Variants in CD36 observed in about 807,000 individuals in gnomAD.
The protein encoded by CD36 is CD36 molecule (CD36 blood group).
Under a neutral mutation model 55.2 loss-of-function variants are expected in CD36, and 119 were observed. That is an observed-to-expected ratio of 2.15 (90% CI 1.86 to 2.51). CD36 has a LOEUF of 2.51. Among genes scored for constraint, CD36 ranks in the 30% most tolerant of loss-of-function variants. The probability of loss-of-function intolerance (pLI) is 0.00; values close to 1 mark genes in which losing one functional copy is unlikely to be tolerated. For synonymous variants in CD36, 186 were observed against 193.6 expected (o/e 0.96, Z 0.33); for missense variants, 819 against 555.5 (o/e 1.47, Z -4.77).
intron 1 of CD36, among the ~76,000 whole-genome samples, chr7:80,609,921 C>G (rs909015944): frequency 1.3e-5 from 2 of 152,282 alleles, no homozygotes; most frequent in Admixed American, 1.3e-4. Context: ...GATCACCCAG[C>G]AGGTGCTTGC....
rs781743513 is a variant in CD36 at position 80,646,724 on chromosome 7, C to A, written c.-17C>A. ...GAAACAGGTGCTTAACACTAATTCA[C>A]CTCCTGAACAAGAAAAATGGGCTGT... On this transcript the variant is annotated 5_prime_UTR_variant, in exon 3 of 15. Transcript: ENST00000447544. 3 of 1,613,654 alleles carry A rather than the reference C, an allele frequency of 1.9e-6. No individual in the cohort carries two copies. In the African/African-American group the frequency reaches 4.0e-5, roughly 22 times the overall value.
At chr7:80,607,294 C>T (rs1008944949) in intron 1 of CD36, among the ~76,000 whole-genome samples, 3 of 142,940 alleles carry the variant, frequency 2.1e-5, no homozygotes, top group Admixed American at 2.0e-4. Context: ...AAGAAAAGCA[C>T]TTAATTATTT....
At chr7:80,662,954 G>A in intron 5 of CD36, 36 bp from the exon 6 acceptor site, 1 of 1,500,272 alleles carries the variant, frequency 6.7e-7, no homozygotes, top group South Asian at 1.1e-5. Flanking sequence ...ATCTAATATT[G>A]TATTCTTGTC....
intron 14 of CD36, among the ~76,000 whole-genome samples, chr7:80,674,645 G>A (rs980421171): frequency 6.6e-6 from 1 of 152,030 alleles, no homozygotes; most frequent in African/African-American, 2.4e-5. Flanking sequence ...TCAGAGTGGT[G>A]TACAAGAGTT....
At chr7:80,654,084 G>A (rs1486658881) in intron 3 of CD36, among the ~76,000 whole-genome samples, 3 of 152,156 alleles carry the variant, frequency 2.0e-5, no homozygotes, top group Admixed American at 6.6e-5. Context: ...TGTGTTTCAC[G>A]TTTGCCTTAT....
chr7:80,641,670 A>G (rs914816849), intron 1 of CD36, among the ~76,000 whole-genome samples: 2 of 152,156 alleles, frequency 1.3e-5, no homozygotes, highest in East Asian at 1.9e-4. Flanking sequence ...TTCAAATTTC[A>G]TAGTTTACAT....
rs1331478915 is a variant in CD36, at chr7:80,677,275, ACT to A, written c.*895_*896del. The A allele has an allele frequency of 6.6e-6, 1 of 152,134 alleles. No homozygotes were observed. The highest frequency in any genetic ancestry group is 1.5e-5 in the Non-Finnish European group (1 of 68,030). 9.4% of individuals were successfully genotyped at this position (152,134 alleles called of 1,614,324 possible). On this transcript the variant is annotated 3_prime_UTR_variant, in exon 15 of 15. Transcript: ENST00000447544. ...TCATAAGGAGACACATTAATAGGTAACTCTGTTTCTTGAGCAGGGGTTCACTT... is the reference window on the plus strand; with the variant it reads ...TCATAAGGAGACACATTAATAGGTAACTGTTTCTTGAGCAGGGGTTCACTT...
Position 80,672,535 on chromosome 7 carries a change from A to AACTC in CD36, c.1126-232_1126-229dup, listed in dbSNP as rs1797795545. On this transcript the variant is annotated intron_variant, in intron 11 of 14. Coordinates refer to ENST00000447544, the MANE Select transcript of CD36 (RefSeq NM_001001548.3). ...TGATTTTTTAAAAACCATTTCAAGT[A>AACTC]ACTCACAAATCTAACTAACTAAAAC... Among the ~76,000 whole-genome samples, 3 of 151,722 alleles carry AACTC rather than the reference A, an allele frequency of 2.0e-5. No homozygotes were observed. The South Asian group carries it at 6.2e-4, about 32-fold the overall frequency.
Position 80,663,177 on chromosome 7 carries a change from C to T in CD36, c.609+8C>T. 1 of 1,604,606 alleles carries T rather than the reference C, an allele frequency of 6.2e-7. No individual in the cohort carries two copies. Among genetic ancestry groups the T allele is most frequent in the Non-Finnish European group, 8.5e-7 (1 of 1,171,576 alleles). On this transcript the variant is annotated splice_region_variant and intron_variant, in intron 6 of 14. Transcript: ENST00000447544. ...GTTGGTCTGTTTTATCCTGTAAGTA[C>T]CAAATATGAATGGCAATATTATTAC...
intron 1 of CD36, among the ~76,000 whole-genome samples, chr7:80,616,822 G>A (rs1284089238): frequency 6.6e-6 from 1 of 152,098 alleles, no homozygotes. Flanking sequence ...TACGGCGATT[G>A]TAAGGATCAT....
At chr7:80,608,548 G>T (rs1052118808) in intron 1 of CD36, among the ~76,000 whole-genome samples, 1 of 152,160 alleles carries the variant, frequency 6.6e-6, no homozygotes, top group African/African-American at 2.4e-5. Context: ...AAGTTCCATA[G>T]AAGGGTTAAA....
chr7:80,657,748 G>A (rs1436282374), intron 4 of CD36, among the ~76,000 whole-genome samples: 1 of 152,098 alleles, frequency 6.6e-6, no homozygotes, highest in African/African-American at 2.4e-5. Context: ...GTATCCATAT[G>A]GAAACATAGT....
intron 4 of CD36, among the ~76,000 whole-genome samples, chr7:80,659,564 C>A (rs528148211): frequency 6.6e-6 from 1 of 152,162 alleles, no homozygotes; most frequent in African/African-American, 2.4e-5. Flanking sequence ...TCCATACAGT[C>A]TAACTTTTAA....
rs114674518 is a variant in CD36 at position 80,632,893 on chromosome 7, T to G, written c.-183-13195T>G. On this transcript the variant is annotated intron_variant, in intron 1 of 13. Coordinates refer to the CD36 transcript ENST00000309881. Reference sequence around the variant, plus strand: ...TTGTGGTACCCTTAATGACAATGAATTTTTTCTTTCTGCCCGGTAAAAATT... The same window carrying G: ...TTGTGGTACCCTTAATGACAATGAAGTTTTTCTTTCTGCCCGGTAAAAATT... Among the ~76,000 whole-genome samples the G allele has an allele frequency of 4.8e-3, 724 of 152,046 alleles. 7 individuals are homozygous for G. Among genetic ancestry groups the G allele is most frequent in the African/African-American group, 0.016 (682 of 41,534 alleles).
chr7:80,614,268 A>C (rs1409265162), intron 1 of CD36, among the ~76,000 whole-genome samples: 1 of 152,148 alleles, frequency 6.6e-6, no homozygotes, highest in Non-Finnish European at 1.5e-5. Flanking sequence ...GACTGTTTTT[A>C]ATTGCAAAAA....
intron 1 of CD36, among the ~76,000 whole-genome samples, chr7:80,620,838 TATC>T (rs1467190500): frequency 2.6e-5 from 4 of 152,182 alleles, no homozygotes; most frequent in Admixed American, 2.6e-4. Flanking sequence ...AACCAATATA[TATC>T]ATAACACCAC....
intron 3 of CD36, 175 bp downstream of exon 3, chr7:80,647,035 T>C (rs2116408525): frequency 1.6e-6 from 1 of 633,404 alleles, no homozygotes; most frequent in East Asian, 3.1e-5. Context: ...TGAAATGTTA[T>C]AAGTATAATG....
intron 1 of CD36, among the ~76,000 whole-genome samples, chr7:80,614,832 G>A (rs145336564): frequency 2.0e-3 from 297 of 152,090 alleles, no homozygotes; most frequent in African/African-American, 6.4e-3. Context: ...TGTATTTGTC[G>A]CTTCAACGAA....
chr7:80,673,303 A>G, intron 12 of CD36, 52 bp from the exon 13 acceptor site: 1 of 810,030 alleles, frequency 1.2e-6, no homozygotes, highest in Non-Finnish European at 2.0e-6. Flanking sequence ...AAAGTTTGTT[A>G]TATATAAATA....
Sources: allele counts gnomAD v4.1 joint callset (sites outside exome capture counted in the v4.1 genomes callset), GRCh38; gene constraint gnomAD v4.1.1; transcripts MANE v1.5; gene names NCBI Gene and HGNC (gene_info 2026-07-23, HGNC 2026-07-21).